The following ACSS2 variants were observed in gnomAD, a reference collection of about 807,000 sequenced individuals.
ACSS2 encodes the protein acyl-CoA synthetase short chain family member 2.
Under a neutral mutation model 90.6 loss-of-function variants are expected in ACSS2, and 58 were observed. The ratio of observed to expected loss-of-function variants is 0.64; its 90% CI spans 0.52 to 0.80. The LOEUF is 0.80. Among genes scored for constraint, ACSS2 ranks in the 30% least tolerant of loss-of-function variants. The pLI, the probability that ACSS2 is intolerant of heterozygous loss-of-function variation, is 0.00. For missense variants in ACSS2, 759 were observed against 912.0 expected, an observed-to-expected ratio of 0.83 and a Z score of 2.16; for synonymous variants, 300 against 330.9, an observed-to-expected ratio of 0.91 and a Z score of 1.01.
chr20:34,882,695 G>C (rs1390847458), intron 1 of ACSS2, 99 bp from the exon 2 acceptor site: 2 of 1,128,370 alleles, frequency 1.8e-6, no homozygotes, highest in African/African-American at 3.2e-5. Flanking sequence ...CCTAGGGCAA[G>C]GAAGTTATAA....
In ACSS2 at chr20:34,921,026, T is replaced by G. The variant is rs201529980; in HGVS notation, c.1164T>G (p.Tyr388Ter). The change falls in exon 10 of 18, where the codon TAT (tyrosine) becomes TAG (stop). Residue 388 changes from tyrosine to a stop codon, truncating the protein, a stop_gained. Coordinates refer to ENST00000360596, the MANE Select transcript of ACSS2 (RefSeq NM_018677.4). LOFTEE classifies it high-confidence loss of function. The stretch of plus-strand genomic sequence containing the variant: ...GTCAGTTTGAGGGGATTCCCACATA[T>G]CCGGACGTGAACCGCCTGTGGAGCA... ...TSVLFEGIPT[Y>*]PDVNRLWSIV... is the part of the protein sequence containing the mutation. 1 of 1,614,066 alleles carries G rather than the reference T, an allele frequency of 6.2e-7. No individual in the cohort carries two copies. Among genetic ancestry groups the G allele is most frequent in the Non-Finnish European group, 8.5e-7 (1 of 1,180,012 alleles).
chr20:34,880,741 G>T (rs2080053305), intron 1 of ACSS2, among the ~76,000 whole-genome samples: 2 of 151,728 alleles, frequency 1.3e-5, no homozygotes, highest in Admixed American at 6.6e-5. Flanking sequence ...GTATATAATG[G>T]CACCTTGGGG....
chr20:34,875,318 T>C (rs551721150), upstream of ACSS2, among the ~76,000 whole-genome samples: 1 of 152,142 alleles, frequency 6.6e-6, no homozygotes, highest in Admixed American at 6.5e-5. Flanking sequence ...CCTGTAATCC[T>C]AGCACTTTGG....
intron 2 of ACSS2, among the ~76,000 whole-genome samples, chr20:34,883,864 A>G (rs1407162816): frequency 6.6e-6 from 1 of 152,234 alleles, no homozygotes; most frequent in Non-Finnish European, 1.5e-5. Flanking sequence ...GGACTTAGAA[A>G]TTCCAATAAT....
intron 2 of ACSS2, among the ~76,000 whole-genome samples, chr20:34,897,693 G>A (rs1601315820): frequency 6.6e-6 from 1 of 152,204 alleles, no homozygotes; most frequent in South Asian, 2.1e-4. Flanking sequence ...GCCGGCCATG[G>A]TGGTGCATGC....
At chr20:34,898,752 G>A (rs1037967688) in intron 2 of ACSS2, among the ~76,000 whole-genome samples, 3 of 152,226 alleles carry the variant, frequency 2.0e-5, no homozygotes, top group African/African-American at 4.8e-5. Flanking sequence ...AGTGGATCCC[G>A]CACTGGGGCT....
At chr20:34,899,440 T>TTCCA (rs1207458035) in intron 2 of ACSS2, among the ~76,000 whole-genome samples, 3 of 139,864 alleles carry the variant, frequency 2.1e-5, no homozygotes, top group Non-Finnish European at 4.7e-5. Context: ...CCTTCCTTCC[T>TTCCA]TCCTTCCTTC....
chr20:34,924,428 C>G (rs1478616759), intron 14 of ACSS2, among the ~76,000 whole-genome samples: 1 of 152,184 alleles, frequency 6.6e-6, no homozygotes, highest in Non-Finnish European at 1.5e-5. Context: ...GAAGACTTCT[C>G]TGAATTGACA....
chr20:34,906,647 A>T (rs1195489500), intron 2 of ACSS2, among the ~76,000 whole-genome samples: 1 of 152,112 alleles, frequency 6.6e-6, no homozygotes, highest in Non-Finnish European at 1.5e-5. Context: ...ACTAGGCTGT[A>T]CTTGAGGTGC....
At position 34,876,833 on chromosome 20, in the gene ACSS2, G is replaced by A. The variant is rs949660998; in HGVS notation, c.178+10G>A. On this transcript the variant is annotated intron_variant, in intron 1 of 17. Transcript: ENST00000360596. ...GTGGAGGAGCCGCGGGGTGAGGCCC[G>A]GCCCGGGCGGGCCTGGGGTGTCAGT... 9 of 1,288,328 alleles carry A rather than the reference G, an allele frequency of 7.0e-6. No homozygotes were observed. The highest frequency in any genetic ancestry group is 8.9e-6 in the Non-Finnish European group (9 of 1,016,306). 79.8% of individuals were successfully genotyped at this position (1,288,328 alleles called of 1,614,324 possible). A position where few individuals can be genotyped will look rare whatever the true frequency, so the allele number is the denominator to read the frequency against.
chr20:34,896,505 T>G (rs891074753), intron 2 of ACSS2, among the ~76,000 whole-genome samples: 3 of 152,264 alleles, frequency 2.0e-5, no homozygotes, highest in Non-Finnish European at 4.4e-5. Context: ...TTTGATCATC[T>G]TGGATCCAGC....
At chr20:34,908,774 T>C (rs2080872858) in intron 2 of ACSS2, 3 of 348,936 alleles carry the variant, frequency 8.6e-6, no homozygotes, top group Non-Finnish European at 1.7e-5. Flanking sequence ...GGCAGAAGAA[T>C]TGCCTGAACC....
At chr20:34,894,945 A>C (rs1305362502) in intron 2 of ACSS2, among the ~76,000 whole-genome samples, 2 of 152,190 alleles carry the variant, frequency 1.3e-5, no homozygotes, top group African/African-American at 2.4e-5. Flanking sequence ...TTAGAAATCC[A>C]GATTTCTGGA....
chr20:34,924,415 G>A (rs189471402), intron 14 of ACSS2, among the ~76,000 whole-genome samples: 91 of 152,314 alleles, frequency 6.0e-4, no homozygotes, highest in Non-Finnish European at 6.3e-4. Context: ...CAGGATCGTC[G>A]GAGAAGACTT....
At chr20:34,899,066 T>TGGGGCCGGC (rs1355912617) in intron 2 of ACSS2, among the ~76,000 whole-genome samples, 1 of 152,070 alleles carries the variant, frequency 6.6e-6, no homozygotes, top group Non-Finnish European at 1.5e-5. Flanking sequence ...CCTCATTGCC[T>TGGGGCCGGC]GGGGCCGGCA....
At chr20:34,884,476 A>G (rs1397927466) in intron 2 of ACSS2, among the ~76,000 whole-genome samples, 3 of 152,230 alleles carry the variant, frequency 2.0e-5, no homozygotes, top group African/African-American at 7.2e-5. Flanking sequence ...TCTTCCATAA[A>G]ATGGGGATAA....
intron 4 of ACSS2, 79 bp from the exon 5 acceptor site, chr20:34,913,674 T>C: frequency 1.4e-6 from 2 of 1,422,658 alleles, no homozygotes; most frequent in Non-Finnish European, 2.0e-6. Context: ...ATCCTGAAAG[T>C]TCCATGAGCA....
chr20:34,913,479 G>A lies in ACSS2; in HGVS notation c.553G>A (p.Ala185Thr). Residue 185 changes from alanine (A) to threonine (T), a missense_variant, in exon 4 of 18, where the codon GCT becomes ACT. Transcript: ENST00000360596. ...VAMLACARIG[A>T]LHSIVFAGFS... ...CATGCTGGCATGTGCCCGCATTGGG[G>A]CTTTGCACTCCATTGTGGTAGGAGT... 1 of 1,613,724 alleles carries A rather than the reference G, an allele frequency of 6.2e-7. No homozygotes were observed. Among genetic ancestry groups the A allele is most frequent in the Non-Finnish European group, 8.5e-7 (1 of 1,179,836 alleles).
intron 1 of ACSS2, among the ~76,000 whole-genome samples, chr20:34,878,668 G>A (rs1045747072): frequency 5.9e-5 from 9 of 152,120 alleles, no homozygotes; most frequent in African/African-American, 2.2e-4. Context: ...CCTCTTCCAT[G>A]ACCCCACAGA....
Sources: allele counts gnomAD v4.1 joint callset (sites outside exome capture counted in the v4.1 genomes callset), GRCh38; gene constraint gnomAD v4.1.1; transcripts MANE v1.5; gene names NCBI Gene and HGNC (gene_info 2026-07-23, HGNC 2026-07-21).